Variants in PGBD1 observed in about 807,000 individuals in gnomAD.
The protein encoded by PGBD1 is piggyBac transposable element-derived protein 1.
Under a neutral mutation model 34.7 loss-of-function variants are expected in PGBD1, and 25 were observed. That is an observed-to-expected ratio of 0.72 (90% confidence interval 0.52 to 1.00). PGBD1 has a LOEUF of 1.00. Among genes scored for constraint, PGBD1 ranks in the 50% least tolerant of loss-of-function variants. The pLI, the probability that PGBD1 is intolerant of heterozygous loss-of-function variation, is 0.00. For missense variants in PGBD1, 830 were observed against 959.4 expected (o/e 0.87, Z 1.78); for synonymous variants, 292 against 335.7 (o/e 0.87, Z 1.42).
chr6:28,284,207 C>T lies in PGBD1; in HGVS notation c.394C>T (p.Gln132Ter). Residue 132 changes from glutamine to a stop codon, truncating the protein, a stop_gained and splice_region_variant, in exon 2 of 7, where the codon CAG becomes TAG. Transcript: ENST00000682144. LOFTEE classifies it high-confidence loss of function. ...LETGSGDTGQQASVYIQGQDM... is the reference protein window; with the variant it reads ...LETGSGDTGQ Reference sequence around the variant, plus strand: ...GACAGGAAGTGGAGACACAGGACAACAGGTGGGAAGAGAATGTGTGTGGTG... The same window carrying T: ...GACAGGAAGTGGAGACACAGGACAATAGGTGGGAAGAGAATGTGTGTGGTG... 6.5e-7 allele frequency: 1 copy of T among 1,540,258 alleles called. No homozygotes were observed.
intron 4 of PGBD1, among the ~76,000 whole-genome samples, chr6:28,287,631 A>G (rs1194983454): frequency 1.3e-5 from 2 of 152,112 alleles, no homozygotes; most frequent in Non-Finnish European, 2.9e-5. Flanking sequence ...CATCTTCTTC[A>G]CAAAATGGAC....
chr6:28,287,301 C>T (rs1762317308), intron 4 of PGBD1, 133 bp downstream of exon 4: 2 of 741,568 alleles, frequency 2.7e-6, no homozygotes, highest in Non-Finnish European at 4.8e-6. Flanking sequence ...TCTGCCTTCA[C>T]CTTGTCACAG....
At position 28,300,094 on chromosome 6, in the gene PGBD1, T is replaced by C. The variant is rs917417899; in HGVS notation, c.870-630T>C. Among the ~76,000 whole-genome samples, 19 of 152,070 alleles carry C rather than the reference T, an allele frequency of 1.2e-4. No individual in the cohort carries two copies. Among genetic ancestry groups the C allele is most frequent in the Admixed American group, 3.3e-4 (5 of 15,276 alleles). On this transcript the variant is annotated intron_variant, in intron 6 of 6. Transcript: ENST00000682144. This position sits in a 1 kb window ranked among gnomAD's most constrained non-coding sequence, Gnocchi z 4.0. Reference sequence around the variant, plus strand: ...TAAAAATCAGTCCAAGTGCAATGAGTTGAGTTTCATTTGTTTTTCCCCAGA... The same window carrying C: ...TAAAAATCAGTCCAAGTGCAATGAGCTGAGTTTCATTTGTTTTTCCCCAGA...
chr6:28,299,579 G>T (rs1372804441), intron 6 of PGBD1, among the ~76,000 whole-genome samples: 1 of 152,168 alleles, frequency 6.6e-6, no homozygotes, highest in Non-Finnish European at 1.5e-5. Context: ...ATAAAGAAAT[G>T]TATGTAGTGT....
chr6:28,289,415 A>G (rs953864246), intron 4 of PGBD1, among the ~76,000 whole-genome samples: 2 of 152,266 alleles, frequency 1.3e-5, no homozygotes, highest in African/African-American at 4.8e-5. Flanking sequence ...ACCACCAGAC[A>G]CATCTTACAA....
At position 28,300,908 on chromosome 6, in the gene PGBD1, G is replaced by A. The variant is rs765319689; in HGVS notation, c.1054G>A (p.Glu352Lys). 2 of 1,614,136 alleles carry A rather than the reference G, an allele frequency of 1.2e-6. No homozygotes were observed. The highest frequency in any genetic ancestry group is 1.7e-6 in the Non-Finnish European group (2 of 1,180,028). ...GRKKDKARVS[E>K]LLQGLSFSGD... ...AAAAAAAGACAAAGCTCGAGTGAGT[G>A]AACTGCTCCAAGGCCTCTCATTCTC... is the stretch of plus-strand genomic sequence containing the variant. Residue 352 changes from glutamate to lysine, a missense_variant, in exon 7 of 7, where the codon GAA (glutamate) becomes AAA (lysine). Coordinates refer to ENST00000682144, the MANE Select transcript of PGBD1 (RefSeq NM_032507.4). The surrounding 1 kb of genome is among the most constrained non-coding windows in gnomAD (Gnocchi z 4.0).
intron 5 of PGBD1, 51 bp from the exon 6 acceptor site, chr6:28,297,844 T>C (rs770136245): frequency 3.1e-6 from 1 of 324,848 alleles, no homozygotes; most frequent in East Asian, 5.4e-5. Context: ...TTTTTTTTTT[T>C]TCAAAATTCA....
intron 2 of PGBD1, among the ~76,000 whole-genome samples, chr6:28,284,611 C>T (rs763890075): frequency 6.6e-6 from 1 of 152,138 alleles, no homozygotes; most frequent in Non-Finnish European, 1.5e-5. Context: ...TGGTGGAAGG[C>T]TCAAGCAATC....
At chr6:28,293,461 A>G (rs1035889867) in intron 4 of PGBD1, among the ~76,000 whole-genome samples, 2 of 152,168 alleles carry the variant, frequency 1.3e-5, no homozygotes, top group Non-Finnish European at 2.9e-5. Flanking sequence ...CACTTCCTTC[A>G]TTGTGTTTCA....
At chr6:28,298,811 A>T (rs1356193298) in intron 6 of PGBD1, among the ~76,000 whole-genome samples, 2 of 152,094 alleles carry the variant, frequency 1.3e-5, no homozygotes, top group Non-Finnish European at 2.9e-5. Flanking sequence ...AATGCCCAAC[A>T]TTCCGAGGCT....
chr6:28,283,044 T>C (rs1762174664), intron 1 of PGBD1, among the ~76,000 whole-genome samples: 1 of 152,240 alleles, frequency 6.6e-6, no homozygotes, highest in Non-Finnish European at 1.5e-5. Context: ...TGGTCTCACC[T>C]GGAGTTACTA....
At chr6:28,286,388 C>T (rs1375412936) in intron 3 of PGBD1, among the ~76,000 whole-genome samples, 1 of 152,182 alleles carries the variant, frequency 6.6e-6, no homozygotes, top group East Asian at 1.9e-4. Context: ...CAACAATTAT[C>T]TGTTTGATCT....
intron 4 of PGBD1, among the ~76,000 whole-genome samples, chr6:28,294,135 T>C (rs1310377633): frequency 6.6e-6 from 1 of 152,168 alleles, no homozygotes; most frequent in South Asian, 2.1e-4. Context: ...ATGGAGAAAG[T>C]TTGAGTGGTT....
At chr6:28,297,816 G>GT (rs368634720) in intron 5 of PGBD1, 79 bp from the exon 6 acceptor site, 5,986 of 350,502 alleles carry the variant, frequency 0.017, 1,496 homozygotes, top group African/African-American at 0.061. Flanking sequence ...TACCCTGGAA[G>GT]TTTTTTTTTT....
chr6:28,282,279 C>T (rs1321464240), intron 1 of PGBD1, among the ~76,000 whole-genome samples: 1 of 152,140 alleles, frequency 6.6e-6, no homozygotes, highest in Non-Finnish European at 1.5e-5. Context: ...TCTTTTATTC[C>T]AGAGTTAACT....
intron 5 of PGBD1, 79 bp from the exon 6 acceptor site, chr6:28,297,816 G>GTGTTTT: frequency 5.8e-6 from 2 of 347,644 alleles, no homozygotes; most frequent in Non-Finnish European, 9.7e-6. Context: ...TACCCTGGAA[G>GTGTTTT]TTTTTTTTTT....
At chr6:28,294,968 T>A (rs1442581985) in intron 4 of PGBD1, among the ~76,000 whole-genome samples, 1 of 152,190 alleles carries the variant, frequency 6.6e-6, no homozygotes, top group Non-Finnish European at 1.5e-5. Flanking sequence ...TAGTGATGGA[T>A]CTGGGCAAAG....
intron 2 of PGBD1, among the ~76,000 whole-genome samples, chr6:28,285,082 T>C (rs11756111): frequency 0.22 from 34,189 of 152,132 alleles, 4,887 homozygotes; most frequent in African/African-American, 0.39. Context: ...CGTTGTTATT[T>C]TTGAAGAGTA....
In PGBD1 at chr6:28,296,799, T is replaced by A; in HGVS notation, c.643-17T>A. ...ATGTGAAAACAAAGAGGCTATTTTC[T>A]TTTTTTGTCTTTTTAGACATTGGTG... On this transcript the variant is annotated splice_polypyrimidine_tract_variant and intron_variant, in intron 4 of 6. Transcript: ENST00000682144. 12 of 1,613,118 alleles carry A rather than the reference T, an allele frequency of 7.4e-6. No individual in the cohort carries two copies. The highest frequency in any genetic ancestry group is 1.0e-5 in the Non-Finnish European group (12 of 1,179,590).
Sources: gnomAD v4.1 joint callset for allele counts (sites outside exome capture counted in the v4.1 genomes callset) on GRCh38, gnomAD v4.1.1 for gene constraint, Gnocchi (gnomAD v3.1) non-coding constraint, MANE v1.5 for transcripts, NCBI Gene and HGNC (gene_info 2026-07-23, HGNC 2026-07-21) for gene names.